The following CTNNA3 variants were observed in gnomAD, a reference collection of about 807,000 sequenced individuals.
CTNNA3 encodes catenin alpha-3.
A neutral mutation model predicts 95.7 loss-of-function variants in CTNNA3; 76 were observed. The observed-to-expected ratio is 0.79, with a 90% CI of 0.66 to 0.96. The LOEUF is 0.96. CTNNA3 is among the 40% of genes least tolerant of loss of function. The pLI, the probability that CTNNA3 is intolerant of heterozygous loss-of-function variation, is 0.00. For synonymous variants in CTNNA3, 431 were observed against 374.4 expected (o/e 1.15, Z -1.74); for missense variants, 1,191 against 1,089.8 (o/e 1.09, Z -1.31).
chr10:66,199,960 T>A (rs2087286714), intron 13 of CTNNA3, among the ~76,000 whole-genome samples: 1 of 149,952 alleles, frequency 6.7e-6, no homozygotes, highest in Non-Finnish European at 1.5e-5. Context: ...CCAATAGTTA[T>A]CTTTTTAACT....
chr10:66,669,550 G>GA (rs1228086618), intron 9 of CTNNA3, among the ~76,000 whole-genome samples: 1 of 151,118 alleles, frequency 6.6e-6, no homozygotes, highest in East Asian at 1.9e-4. Context: ...CAAAAAAAAA[G>GA]AAAAAAAGAA....
intron 17 of CTNNA3, among the ~76,000 whole-genome samples, chr10:65,934,839 C>A (rs929566940): frequency 1.3e-5 from 2 of 152,048 alleles, no homozygotes; most frequent in Non-Finnish European, 2.9e-5. Flanking sequence ...CCTAGGTAAT[C>A]ATTGATTGAG....
chr10:66,300,408 TTGAGTA>T (rs951684223), intron 12 of CTNNA3, among the ~76,000 whole-genome samples: 1 of 151,990 alleles, frequency 6.6e-6, no homozygotes, highest in Non-Finnish European at 1.5e-5. Flanking sequence ...TTTCTTCCAC[TTGAGTA>T]TAAACTGGAC....
chr10:67,017,935 A>T (rs1351183396), intron 7 of CTNNA3, among the ~76,000 whole-genome samples: 1 of 151,768 alleles, frequency 6.6e-6, no homozygotes, highest in Non-Finnish European at 1.5e-5. Context: ...ACGCCCAGCT[A>T]ATTTTTGTAT....
intron 15 of CTNNA3, among the ~76,000 whole-genome samples, chr10:66,029,793 A>T (rs1307903421): frequency 2.0e-5 from 3 of 152,210 alleles, no homozygotes; most frequent in Admixed American, 2.0e-4. Context: ...GTAACTATTT[A>T]TTGAATGAGT....
At chr10:67,215,018 C>T (rs1003028441) in intron 6 of CTNNA3, among the ~76,000 whole-genome samples, 4 of 151,922 alleles carry the variant, frequency 2.6e-5, no homozygotes, top group African/African-American at 4.8e-5. Flanking sequence ...TTTTATACTT[C>T]TCTCTCTTCT....
chr10:66,138,856 A>AAAATG (rs570966313), intron 13 of CTNNA3, among the ~76,000 whole-genome samples: 30 of 152,302 alleles, frequency 2.0e-4, no homozygotes, highest in Non-Finnish European at 3.2e-4. Flanking sequence ...AGACTGTTTC[A>AAAATG]AAATGAAATG....
At chr10:67,661,197 T>G in intron 1 of CTNNA3, among the ~76,000 whole-genome samples, 1 of 144,554 alleles carries the variant, frequency 6.9e-6, no homozygotes, top group Non-Finnish European at 1.5e-5. Context: ...AAATAAAAAG[T>G]GATGTATTCC....
intron 10 of CTNNA3, among the ~76,000 whole-genome samples, chr10:66,588,644 C>G (rs1843441847): frequency 6.6e-6 from 1 of 152,152 alleles, no homozygotes; most frequent in Non-Finnish European, 1.5e-5. Context: ...CATATCCACT[C>G]TATTTCATTT....
At chr10:67,440,350 G>A (rs1846458464) in intron 5 of CTNNA3, among the ~76,000 whole-genome samples, 1 of 152,070 alleles carries the variant, frequency 6.6e-6, no homozygotes, top group Admixed American at 6.6e-5. Flanking sequence ...GATTTCTAAG[G>A]TTTTTTTACT....
intron 7 of CTNNA3, among the ~76,000 whole-genome samples, chr10:66,819,843 C>T (rs978847912): frequency 6.6e-6 from 1 of 152,014 alleles, no homozygotes; most frequent in African/African-American, 2.4e-5. Context: ...AAAGGGTTGG[C>T]CAGGATGTGG....
chr10:67,127,665 C>A (rs758836418), intron 7 of CTNNA3, among the ~76,000 whole-genome samples: 1 of 152,112 alleles, frequency 6.6e-6, no homozygotes, highest in Non-Finnish European at 1.5e-5. Flanking sequence ...TGGGAAGTAC[C>A]GAGATTCCTG....
chr10:66,044,973 C>A (rs1284900876), intron 15 of CTNNA3, among the ~76,000 whole-genome samples: 1 of 145,080 alleles, frequency 6.9e-6, no homozygotes, highest in Admixed American at 7.1e-5. Context: ...TAATGACAAT[C>A]TCAGGATTCA....
intron 7 of CTNNA3, among the ~76,000 whole-genome samples, chr10:67,140,470 A>C (rs1025539143): frequency 4.6e-5 from 7 of 152,190 alleles, no homozygotes; most frequent in African/African-American, 1.7e-4. Context: ...ATTTGCATAC[A>C]TCCCAGATAT....
At chr10:66,642,265 CACACACACACACAA>C (rs1386497348) in intron 9 of CTNNA3, among the ~76,000 whole-genome samples, 128 of 72,154 alleles carry the variant, frequency 1.8e-3, no homozygotes, top group African/African-American at 4.1e-3. Context: ...TACACACACA[CACACACACACACAA>C]ACACACACAC....
intron 11 of CTNNA3, among the ~76,000 whole-genome samples, chr10:66,474,710 C>A (rs1839260219): frequency 6.6e-6 from 1 of 151,868 alleles, no homozygotes; most frequent in East Asian, 1.9e-4. Flanking sequence ...CAGCAGTTGT[C>A]ATTTTTTGTC....
At position 66,138,147 on chromosome 10, in the gene CTNNA3, T is replaced by G. The variant is rs114827070; in HGVS notation, c.1885-34898A>C. ...AGAAATAATAATAAACCCAAATATA[T>G]GTATATATGTATGCATTAAATTTAA... On this transcript the variant is annotated intron_variant, in intron 13 of 17. Coordinates refer to ENST00000433211, the MANE Select transcript of CTNNA3 (RefSeq NM_013266.4). 9.9e-3 allele frequency among the ~76,000 whole-genome samples: 1,513 copies of G among 152,222 alleles called. 34 individuals carry two copies. Among genetic ancestry groups the G allele is most frequent in the African/African-American group, 0.034 (1,433 of 41,540 alleles).
At chr10:66,272,338 A>T (rs181444237) in intron 13 of CTNNA3, among the ~76,000 whole-genome samples, 6 of 152,306 alleles carry the variant, frequency 3.9e-5, no homozygotes, top group African/African-American at 1.4e-4. Flanking sequence ...TAACACTGAA[A>T]AATGAAAAGC....
intron 6 of CTNNA3, among the ~76,000 whole-genome samples, chr10:67,205,256 T>C (rs1589861233): frequency 6.6e-6 from 1 of 152,202 alleles, no homozygotes; most frequent in Admixed American, 6.5e-5. Flanking sequence ...TTTTATGTCA[T>C]AATTTTCTCA....
Sources: allele counts gnomAD v4.1 joint callset (sites outside exome capture counted in the v4.1 genomes callset), GRCh38; gene constraint gnomAD v4.1.1; transcripts MANE v1.5; gene names NCBI Gene and HGNC (gene_info 2026-07-23, HGNC 2026-07-21).